Variants in PCDHGA9 observed in about 807,000 individuals in gnomAD.
PCDHGA9 encodes protocadherin gamma subfamily A, 9.
In PCDHGA9, 37 loss-of-function variants were observed where a neutral mutation model predicts 62.5. That is an observed-to-expected ratio of 0.59 (90% CI 0.46 to 0.78). PCDHGA9 has a LOEUF of 0.78. Among genes scored for constraint, PCDHGA9 ranks in the 30% least tolerant of loss-of-function variants. The pLI, the probability that PCDHGA9 is intolerant of heterozygous loss-of-function variation, is 0.00. For synonymous variants in PCDHGA9, 459 were observed against 484.6 expected (o/e 0.95, Z 0.69); for missense variants, 1,138 against 1,166.2 (o/e 0.98, Z 0.35).
intron 1 of PCDHGA9, chr5:141,418,608 G>A (rs1265400499): frequency 6.2e-7 from 1 of 1,614,040 alleles, no homozygotes; most frequent in Admixed American, 1.7e-5. Flanking sequence ...TACAGGGTTA[G>A]CCTTCGGGAA....
chr5:141,433,042 G>T (rs752612411), intron 1 of PCDHGA9: 10 of 1,614,024 alleles, frequency 6.2e-6, no homozygotes, highest in East Asian at 4.5e-5. Flanking sequence ...CCCTCACCAC[G>T]GACTCGCGGA....
chr5:141,414,724 G>A (rs1461729604), intron 1 of PCDHGA9: 48 of 1,614,138 alleles, frequency 3.0e-5, no homozygotes, highest in Non-Finnish European at 3.9e-5. Context: ...AGACACTGGC[G>A]TCCTGTATGC....
At chr5:141,427,896 C>T in intron 1 of PCDHGA9, 2 of 1,570,508 alleles carry the variant, frequency 1.3e-6, no homozygotes, top group Non-Finnish European at 1.7e-6. Context: ...CCAGGGCTCG[C>T]CCGCGCTCAG....
chr5:141,497,596 G>C (rs920597006), intron 2 of PCDHGA9, among the ~76,000 whole-genome samples: 1 of 149,648 alleles, frequency 6.7e-6, no homozygotes, highest in Admixed American at 6.7e-5. Context: ...CTGGAGTGCA[G>C]TGGTGCGATC....
rs747268184 is a variant in PCDHGA9, at chr5:141,489,769, C to A, written c.2425-5038C>A. On this transcript the variant is annotated intron_variant, in intron 1 of 3. Coordinates refer to ENST00000573521, the MANE Select transcript of PCDHGA9 (RefSeq NM_018921.3). This position sits in a 1 kb window ranked among gnomAD's most constrained non-coding sequence, Gnocchi z 4.5. ...CTTTTACACTCTAAGCCCCAACAGC[C>A]ACTTCTCTCTGAATGTGAAGACCCT... The A allele has an allele frequency of 6.2e-7, 1 of 1,614,156 alleles. No individual in the cohort carries two copies. The highest frequency in any genetic ancestry group is 1.1e-5 in the South Asian group (1 of 91,080).
Position 141,485,818 on chromosome 5 carries a change from C to A in PCDHGA9, c.2425-8989C>A, listed in dbSNP as rs757848513. The A allele has an allele frequency of 1.2e-6, 2 of 1,613,910 alleles. No individual in the cohort carries two copies. The highest frequency in any genetic ancestry group is 1.7e-6 in the Non-Finnish European group (2 of 1,179,974). On this transcript the variant is annotated intron_variant, in intron 1 of 3. Transcript: ENST00000573521. The surrounding 1 kb of genome is among the most constrained non-coding windows in gnomAD (Gnocchi z 5.7). ...ACTACCGCCTGGTGCTGACTGCTGT[C>A]GATGGAGGGAACCCGCCGAGATCTG...
chr5:141,438,576 A>C (rs1016175176), intron 1 of PCDHGA9, among the ~76,000 whole-genome samples: 4 of 55,572 alleles, frequency 7.2e-5, no homozygotes, highest in Non-Finnish European at 1.2e-4. Context: ...TCTGATATAC[A>C]TACATACATA....
intron 1 of PCDHGA9, chr5:141,478,305 C>T (rs775282798): frequency 2.5e-6 from 4 of 1,614,092 alleles, no homozygotes; most frequent in East Asian, 2.2e-5. Flanking sequence ...TACCGAGCCC[C>T]GGTGAGCTCA....
rs189734474 is a variant in PCDHGA9, at chr5:141,512,858, G to T, written c.*1685G>T. 1 of 152,296 alleles carries T rather than the reference G, an allele frequency of 6.6e-6. No individual in the cohort carries two copies. The highest frequency in any genetic ancestry group is 1.9e-4 in the East Asian group (1 of 5,182). 9.4% of individuals were successfully genotyped at this position (152,296 alleles called of 1,614,324 possible). ...ACTTCTCCTATAAGCGCTTCTCTTC[G>T]CATAGTCACGTAGCTCCCACCCCAC... On this transcript the variant is annotated 3_prime_UTR_variant, in exon 4 of 4. Coordinates refer to ENST00000573521, the MANE Select transcript of PCDHGA9 (RefSeq NM_018921.3).
At chr5:141,420,108 A>G (rs780657975) in intron 1 of PCDHGA9, 1 of 1,614,030 alleles carries the variant, frequency 6.2e-7, no homozygotes, top group Non-Finnish European at 8.5e-7. Flanking sequence ...ACGTTGCCCT[A>G]TGCCTATAAT....
At chr5:141,410,084 A>G in intron 1 of PCDHGA9, 3 of 1,612,532 alleles carry the variant, frequency 1.9e-6, no homozygotes, top group Non-Finnish European at 2.5e-6. Context: ...GGAGGTGCGC[A>G]CGGCTCGAGC....
intron 1 of PCDHGA9, chr5:141,421,647 G>A: frequency 6.2e-7 from 1 of 1,613,872 alleles, no homozygotes; most frequent in Non-Finnish European, 8.5e-7. Context: ...ACGAAGTGGA[G>A]ATAAAAGTCA....
chr5:141,454,366 GT>G (rs2098787984), intron 1 of PCDHGA9, among the ~76,000 whole-genome samples: 1 of 152,166 alleles, frequency 6.6e-6, no homozygotes, highest in Admixed American at 6.5e-5. Flanking sequence ...TTAGAAAGGA[GT>G]ATGGCAACTT....
intron 1 of PCDHGA9, chr5:141,419,835 C>T: frequency 1.2e-6 from 2 of 1,614,084 alleles, no homozygotes; most frequent in African/African-American, 1.3e-5. Flanking sequence ...GCCACTGCCA[C>T]GCTGCACCTG....
At chr5:141,496,886 C>T (rs1562175671) in intron 2 of PCDHGA9, among the ~76,000 whole-genome samples, 1 of 135,246 alleles carries the variant, frequency 7.4e-6, no homozygotes, top group African/African-American at 2.9e-5. Context: ...ACAAGTAACA[C>T]TTAAAAAAAA....
At chr5:141,462,203 G>T (rs544238255) in intron 1 of PCDHGA9, among the ~76,000 whole-genome samples, 2 of 152,036 alleles carry the variant, frequency 1.3e-5, no homozygotes, top group African/African-American at 4.8e-5. Flanking sequence ...CAGGTGATCC[G>T]CCTGCCTCGG....
At chr5:141,481,441 T>C (rs1397908285) in intron 1 of PCDHGA9, among the ~76,000 whole-genome samples, 1 of 152,250 alleles carries the variant, frequency 6.6e-6, no homozygotes, top group East Asian at 1.9e-4. Context: ...ATCAGTTTAG[T>C]ACATGTAAAT....
intron 1 of PCDHGA9, chr5:141,428,630 C>T: frequency 5.4e-6 from 1 of 185,692 alleles, no homozygotes; most frequent in Non-Finnish European, 1.1e-5. Context: ...AGCTCTAACT[C>T]TGTTGCTCCT....
chr5:141,476,565 C>T lies in PCDHGA9; in HGVS notation c.2425-18242C>T. 6.2e-7 allele frequency: 1 copy of T among 1,614,184 alleles called. No individual in the cohort carries two copies. Among genetic ancestry groups the T allele is most frequent in the Non-Finnish European group, 8.5e-7 (1 of 1,180,034 alleles). On this transcript the variant is annotated intron_variant, in intron 1 of 3. Coordinates refer to ENST00000573521, the MANE Select transcript of PCDHGA9 (RefSeq NM_018921.3). This position sits in a 1 kb window ranked among gnomAD's most constrained non-coding sequence, Gnocchi z 7.6. ...TTGGAGATTAGCGAGGCCGTGGCTC[C>T]GGGGACGCGCTTTCCGCTCGAGAGC...
Sources: allele counts gnomAD v4.1 joint callset (sites outside exome capture counted in the v4.1 genomes callset), GRCh38; gene constraint gnomAD v4.1.1; non-coding constraint Gnocchi (gnomAD v3.1); transcripts MANE v1.5; gene names NCBI Gene and HGNC (gene_info 2026-07-23, HGNC 2026-07-21).